Variants in ROBO2 observed in about 807,000 individuals in gnomAD.
ROBO2 encodes the protein roundabout guidance receptor 2.
Under a neutral mutation model 160.8 loss-of-function variants are expected in ROBO2, and 53 were observed. The ratio of observed to expected loss-of-function variants is 0.33; its 90% CI spans 0.26 to 0.41. ROBO2 has a LOEUF of 0.41. Ranked by LOEUF, ROBO2 falls within the 10% of genes least tolerant of loss-of-function variation. The probability of loss-of-function intolerance (pLI) is 1.00; values close to 1 mark genes in which losing one functional copy is unlikely to be tolerated. For missense variants in ROBO2, 1,577 were observed against 1,722.4 expected, an observed-to-expected ratio of 0.92 and a Z score of 1.49; for synonymous variants, 664 against 611.7, an observed-to-expected ratio of 1.09 and a Z score of -1.26.
chr3:77,573,047 A>T (rs751859785), intron 13 of ROBO2, among the ~76,000 whole-genome samples: 3 of 151,974 alleles, frequency 2.0e-5, no homozygotes, highest in Non-Finnish European at 4.4e-5. Flanking sequence ...TCCTGAAATG[A>T]GGTTATTCCA....
chr3:75,978,914 C>A (rs2065203019), intron 2 of ROBO2, among the ~76,000 whole-genome samples: 1 of 151,432 alleles, frequency 6.6e-6, no homozygotes. Flanking sequence ...TGCATTTTTG[C>A]TTTCTCACTG....
At chr3:76,872,487 G>T (rs1479567813) in intron 2 of ROBO2, among the ~76,000 whole-genome samples, 1 of 151,700 alleles carries the variant, frequency 6.6e-6, no homozygotes, top group African/African-American at 2.4e-5. Context: ...CTGTATATTA[G>T]AAAGAGATAC....
chr3:77,021,506 T>G (rs941961324), intron 2 of ROBO2, among the ~76,000 whole-genome samples: 32 of 152,176 alleles, frequency 2.1e-4, no homozygotes, highest in African/African-American at 6.5e-4. Context: ...CTGACCTACC[T>G]TGTCTGAAAG....
intron 2 of ROBO2, among the ~76,000 whole-genome samples, chr3:76,375,684 A>C (rs1292514540): frequency 6.6e-6 from 1 of 152,068 alleles, no homozygotes; most frequent in Non-Finnish European, 1.5e-5. Flanking sequence ...ATAGATTAAA[A>C]AAAACTAGTT....
chr3:77,540,036 G>T (rs1293205177), intron 6 of ROBO2, among the ~76,000 whole-genome samples: 1 of 152,220 alleles, frequency 6.6e-6, no homozygotes, highest in Non-Finnish European at 1.5e-5. Context: ...GCTGATGGAA[G>T]CCAGAATGCT....
chr3:76,883,151 A>T (rs1211492198), intron 2 of ROBO2, among the ~76,000 whole-genome samples: 3 of 152,162 alleles, frequency 2.0e-5, no homozygotes, highest in South Asian at 2.1e-4. Context: ...AATTACTAAA[A>T]AATACCCATA....
chr3:77,081,006 G>T (rs1358329596), intron 1 of ROBO2, among the ~76,000 whole-genome samples: 1 of 152,038 alleles, frequency 6.6e-6, no homozygotes, highest in Non-Finnish European at 1.5e-5. Context: ...CCTCCTTGAG[G>T]GGAAAGATGA....
intron 2 of ROBO2, among the ~76,000 whole-genome samples, chr3:76,372,107 G>A (rs1325387310): frequency 2.0e-5 from 3 of 151,616 alleles, no homozygotes; most frequent in Middle Eastern, 3.2e-3. Flanking sequence ...TACATGATGG[G>A]TTTTTTTGTA....
chr3:75,914,240 T>C (rs1946716669), intron 1 of ROBO2, among the ~76,000 whole-genome samples: 1 of 152,172 alleles, frequency 6.6e-6, no homozygotes, highest in Non-Finnish European at 1.5e-5. Flanking sequence ...AAGTAAATTA[T>C]ATTATCTGAC....
intron 2 of ROBO2, among the ~76,000 whole-genome samples, chr3:76,145,162 G>T (rs1168004790): frequency 1.3e-5 from 2 of 151,758 alleles, no homozygotes; most frequent in African/African-American, 4.8e-5. Flanking sequence ...GATGAAAACT[G>T]GTTCTCCCAA....
At chr3:77,384,621 A>G (rs1179344557) in intron 2 of ROBO2, among the ~76,000 whole-genome samples, 2 of 152,202 alleles carry the variant, frequency 1.3e-5, no homozygotes, top group East Asian at 3.9e-4. Context: ...CCCTCTACCC[A>G]GTACTTTGCC....
intron 2 of ROBO2, among the ~76,000 whole-genome samples, chr3:76,243,003 C>T (rs1274430276): frequency 1.3e-5 from 2 of 152,146 alleles, no homozygotes; most frequent in South Asian, 2.1e-4. Context: ...TGGACGATTC[C>T]CCCGCTTCTA....
intron 5 of ROBO2, among the ~76,000 whole-genome samples, chr3:77,519,749 G>C (rs1358163713): frequency 1.3e-5 from 2 of 151,206 alleles, no homozygotes; most frequent in Non-Finnish European, 3.0e-5. Context: ...ATAAATGCTT[G>C]TGGGGTTTTT....
chr3:76,989,419 T>G (rs1357153306), intron 2 of ROBO2, among the ~76,000 whole-genome samples: 1 of 152,094 alleles, frequency 6.6e-6, no homozygotes, highest in Non-Finnish European at 1.5e-5. Flanking sequence ...ATACATAATA[T>G]GATAATAAAA....
intron 2 of ROBO2, among the ~76,000 whole-genome samples, chr3:76,735,117 G>A (rs1049557921): frequency 1.5e-4 from 23 of 152,186 alleles, no homozygotes; most frequent in African/African-American, 4.3e-4. Context: ...ATTGTTCTAC[G>A]AAAAAGATAG....
chr3:76,956,301 T>A (rs958839398), intron 2 of ROBO2, among the ~76,000 whole-genome samples: 2 of 152,196 alleles, frequency 1.3e-5, no homozygotes, highest in Admixed American at 6.5e-5. Flanking sequence ...CTCACGCCTG[T>A]AATCCCAGCA....
At chr3:76,431,609 G>A (rs2076440637) in intron 2 of ROBO2, among the ~76,000 whole-genome samples, 1 of 151,974 alleles carries the variant, frequency 6.6e-6, no homozygotes, top group Non-Finnish European at 1.5e-5. Context: ...TAAACAAGCA[G>A]AAACATTAAT....
At chr3:76,031,438 G>T (rs940975167) in intron 2 of ROBO2, among the ~76,000 whole-genome samples, 1 of 152,158 alleles carries the variant, frequency 6.6e-6, no homozygotes, top group Admixed American at 6.5e-5. Flanking sequence ...CCTGTCTTGT[G>T]CCAGTTTTCA....
At chr3:76,323,173 A>ACACACACC (rs1185191053) in intron 2 of ROBO2, among the ~76,000 whole-genome samples, 2 of 150,972 alleles carry the variant, frequency 1.3e-5, no homozygotes, top group Non-Finnish European at 1.5e-5. Context: ...ACACACACAC[A>ACACACACC]CACCCCTAAA....
Sources: allele counts gnomAD v4.1 joint callset (sites outside exome capture counted in the v4.1 genomes callset), GRCh38; gene constraint gnomAD v4.1.1; transcripts MANE v1.5; gene names NCBI Gene and HGNC (gene_info 2026-07-23, HGNC 2026-07-21).